Variants in CXCL12 observed in about 807,000 individuals in gnomAD.
The protein encoded by CXCL12 is stromal cell-derived factor 1.
Under a neutral mutation model 10.7 loss-of-function variants are expected in CXCL12, and 4 were observed. That is an observed-to-expected ratio of 0.37 (90% CI 0.18 to 0.86). The LOEUF (loss-of-function observed/expected upper bound fraction) is 0.86. CXCL12 is among the 40% of genes least tolerant of loss of function. The probability of loss-of-function intolerance (pLI) is 0.43; values close to 1 mark genes in which losing one functional copy is unlikely to be tolerated. For missense variants in CXCL12, 122 were observed against 110.4 expected (o/e 1.10, Z -0.47); for synonymous variants, 54 against 45.4 (o/e 1.19, Z -0.77).
Position 44,377,951 on chromosome 10 carries a change from T to C in CXCL12, c.*682A>G. ...AGCAAGATTAAGCATGCTCTCGGAGTCGGGGAGAGAGTAGGAATAGCTGGG... is the reference window on the plus strand; with the variant it reads ...AGCAAGATTAAGCATGCTCTCGGAGCCGGGGAGAGAGTAGGAATAGCTGGG... On this transcript the variant is annotated 3_prime_UTR_variant, in exon 3 of 3. Coordinates refer to ENST00000343575, the MANE Select transcript of CXCL12 (RefSeq NM_199168.4). 2 of 1,528,856 alleles carry C rather than the reference T, an allele frequency of 1.3e-6. No homozygotes were observed. The highest frequency in any genetic ancestry group is 1.7e-6 in the Non-Finnish European group (2 of 1,146,174). 94.7% of individuals were successfully genotyped at this position (1,528,856 alleles called of 1,614,324 possible).
intron 1 of CXCL12, among the ~76,000 whole-genome samples, chr10:44,384,252 G>A (rs1420584704): frequency 2.0e-5 from 3 of 152,136 alleles, no homozygotes; most frequent in Admixed American, 1.3e-4. Context: ...AACCCGAGAA[G>A]AGACAGGAAG....
chr10:44,373,016 A>G (rs1040379006), downstream of CXCL12: 5 of 1,535,962 alleles, frequency 3.3e-6, no homozygotes, highest in African/African-American at 6.8e-5. Flanking sequence ...CTCAGAGAAT[A>G]CAAAACCCAG....
rs777396260 is a variant in CXCL12 at position 44,378,623 on chromosome 10, G to C, written c.*10C>G. ...TGGGTCTAGCGGAAAGTCCTTTTTG[G>C]CTGTTGTGCTTACTTGTTTAAAGCT... On this transcript the variant is annotated 3_prime_UTR_variant, in exon 3 of 3. Coordinates refer to ENST00000343575, the MANE Select transcript of CXCL12 (RefSeq NM_199168.4). The C allele has an allele frequency of 3.7e-4, 590 of 1,613,890 alleles. No individual in the cohort carries two copies. The highest frequency in any genetic ancestry group is 4.8e-4 in the Non-Finnish European group (565 of 1,179,990).
Position 44,377,965 on chromosome 10 carries a change from G to C in CXCL12, c.*668C>G, listed in dbSNP as rs1839508149. 1 of 1,521,122 alleles carries C rather than the reference G, an allele frequency of 6.6e-7. No individual in the cohort carries two copies. The highest frequency in any genetic ancestry group is 8.7e-7 in the Non-Finnish European group (1 of 1,143,868). 94.2% of individuals were successfully genotyped at this position (1,521,122 alleles called of 1,614,324 possible). On this transcript the variant is annotated 3_prime_UTR_variant, in exon 3 of 3. Transcript: ENST00000343575. ...TGCTCTCGGAGTCGGGGAGAGAGTA[G>C]GAATAGCTGGGAGAGGGGTCTCTGA... is the stretch of plus-strand genomic sequence containing the variant.
At chr10:44,375,803 C>A, downstream of CXCL12, 1 of 1,477,152 alleles carries the variant, frequency 6.8e-7, no homozygotes, top group Non-Finnish European at 9.0e-7. Context: ...GCTGGCAGGG[C>A]AGCAAAGCAC....
chr10:44,373,645 G>A (rs1050078465), downstream of CXCL12, among the ~76,000 whole-genome samples: 9 of 152,208 alleles, frequency 5.9e-5, no homozygotes, highest in Non-Finnish European at 8.8e-5. Context: ...GTCATACGAC[G>A]GGGACAGGGC....
chr10:44,374,154 G>A, downstream of CXCL12: 1 of 332,322 alleles, frequency 3.0e-6, no homozygotes, highest in South Asian at 2.5e-5. Context: ...AGTCCCTGCA[G>A]ACCCTGCTCC....
At chr10:44,371,248 G>A, downstream of CXCL12, 1 of 303,974 alleles carries the variant, frequency 3.3e-6, no homozygotes, top group Non-Finnish European at 6.6e-6. Flanking sequence ...TTCTCCCATG[G>A]AGGAGAAATA....
exon 4 of CXCL12, chr10:44,370,614 T>A (rs900793891): frequency 6.6e-6 from 1 of 152,176 alleles, no homozygotes; most frequent in African/African-American, 2.4e-5. Flanking sequence ...GGCGATCAAC[T>A]CCCAGTCAGG....
downstream of CXCL12, chr10:44,372,897 G>A: frequency 1.3e-6 from 2 of 1,535,696 alleles, no homozygotes; most frequent in South Asian, 1.2e-5. Context: ...ACTAGGCTTT[G>A]CCCAGGTTGA....
At chr10:44,382,342 G>A (rs576862537) in intron 1 of CXCL12, among the ~76,000 whole-genome samples, 4 of 152,210 alleles carry the variant, frequency 2.6e-5, no homozygotes, top group Non-Finnish European at 5.9e-5. Flanking sequence ...CCCCAGGGCC[G>A]GGGCCTGCAG....
At chr10:44,375,620 G>C (rs1397767320), downstream of CXCL12, among the ~76,000 whole-genome samples, 3 of 152,214 alleles carry the variant, frequency 2.0e-5, no homozygotes, top group African/African-American at 2.4e-5. Context: ...GGGCGGGCTG[G>C]GGGGCTCAGC....
At chr10:44,381,848 A>G (rs1298913702) in intron 1 of CXCL12, among the ~76,000 whole-genome samples, 2 of 152,100 alleles carry the variant, frequency 1.3e-5, no homozygotes, top group African/African-American at 4.8e-5. Flanking sequence ...ATGTCTAAGA[A>G]TATTTGGTCC....
At chr10:44,371,395 ATTACCTGG>A, downstream of CXCL12, 1 of 463,518 alleles carries the variant, frequency 2.2e-6, no homozygotes, top group East Asian at 6.1e-5. Context: ...AATATCTTGG[ATTACCTGG>A]ATAATGACTG....
downstream of CXCL12, among the ~76,000 whole-genome samples, chr10:44,373,607 C>T (rs547427470): frequency 1.3e-5 from 2 of 152,168 alleles, no homozygotes; most frequent in African/African-American, 2.4e-5. Context: ...GGCAGACGCA[C>T]GAAGGCACAG....
intron 1 of CXCL12, among the ~76,000 whole-genome samples, chr10:44,384,278 G>A (rs17886624): frequency 0.012 from 1,797 of 152,230 alleles, 42 homozygotes; most frequent in African/African-American, 0.04. Context: ...GGCTGGACGC[G>A]CGCCCAGGTC....
intron 2 of CXCL12, 41 bp from the exon 3 acceptor site, chr10:44,378,764 G>A (rs766312359): frequency 3.1e-6 from 5 of 1,600,570 alleles, no homozygotes; most frequent in African/African-American, 1.3e-5. Flanking sequence ...CTGCACAGGA[G>A]GAAGGCGCGG....
downstream of CXCL12, chr10:44,374,535 C>T (rs1174731535): frequency 2.2e-6 from 1 of 456,072 alleles, no homozygotes; most frequent in Non-Finnish European, 4.4e-6. Flanking sequence ...GAACGTGGGC[C>T]AGGAGAGTTG....
chr10:44,377,000 T>G, downstream of CXCL12: 1 of 641,328 alleles, frequency 1.6e-6, no homozygotes, highest in Non-Finnish European at 1.9e-6. Context: ...ACATGGGCTG[T>G]GAGAAGGGGT....
Sources: gnomAD v4.1 joint callset for allele counts (sites outside exome capture counted in the v4.1 genomes callset) on GRCh38, gnomAD v4.1.1 for gene constraint, MANE v1.5 for transcripts, NCBI Gene and HGNC (gene_info 2026-07-23, HGNC 2026-07-21) for gene names.